The following SHTN1 variants were observed in gnomAD, a reference collection of about 807,000 sequenced individuals.
SHTN1 encodes shootin 1, also known as shootin-1.
A neutral mutation model predicts 83.1 loss-of-function variants in SHTN1; 42 were observed. That is an observed-to-expected ratio of 0.51 (90% CI 0.39 to 0.65). The LOEUF is 0.65. Ranked by LOEUF, SHTN1 falls within the 30% of genes least tolerant of loss-of-function variation. SHTN1 has a pLI of 0.00. For synonymous variants in SHTN1, 224 were observed against 247.7 expected, an observed-to-expected ratio of 0.90 and a Z score of 0.90; for missense variants, 622 against 737.8, an observed-to-expected ratio of 0.84 and a Z score of 1.82.
chr10:117,054,639 C>T lies in SHTN1; in HGVS notation c.-188-6129G>A, dbSNP rs113317034. On this transcript the variant is annotated intron_variant, in intron 1 of 17. Transcript: ENST00000392901. Reference sequence around the variant, plus strand: ...AGCCAGGATGGTCTCGATCTCTTGACCTTGTGATCCGCCCGTCTCGGCCTC... The same window carrying T: ...AGCCAGGATGGTCTCGATCTCTTGATCTTGTGATCCGCCCGTCTCGGCCTC... Among the ~76,000 whole-genome samples, 463 of 152,046 alleles carry T rather than the reference C, an allele frequency of 3.0e-3. 1 individual carries two copies. Among genetic ancestry groups the T allele is most frequent in the Non-Finnish European group, 3.6e-3 (248 of 67,992 alleles).
chr10:116,982,690 C>G (rs1219599789), intron 1 of SHTN1, among the ~76,000 whole-genome samples: 1 of 152,188 alleles, frequency 6.6e-6, no homozygotes, highest in Non-Finnish European at 1.5e-5. Flanking sequence ...GGCGCAGTGG[C>G]TCACGCCTGT....
At position 116,940,446 on chromosome 10, in the gene SHTN1, T is replaced by C. The variant is rs757549624; in HGVS notation, c.858+20A>G. On this transcript the variant is annotated intron_variant, in intron 9 of 16. Coordinates refer to ENST00000355371, the MANE Select transcript of SHTN1 (RefSeq NM_001127211.3). ...ATGTATGTGTGTGTGTACCTAAGAT[T>C]CCAGAAGAAAATGGGTTACCTTTTG... The C allele has an allele frequency of 3.7e-6, 6 of 1,612,534 alleles. No individual in the cohort carries two copies. Among genetic ancestry groups the C allele is most frequent in the Non-Finnish European group, 5.1e-6 (6 of 1,179,108 alleles).
intron 1 of SHTN1, among the ~76,000 whole-genome samples, chr10:117,078,991 T>C (rs1853208463): frequency 6.6e-6 from 1 of 151,486 alleles, no homozygotes; most frequent in Non-Finnish European, 1.5e-5. Flanking sequence ...TATGTCTTCT[T>C]TGTCTTCATT....
In SHTN1 at chr10:116,885,356, T is replaced by G. The variant is rs1031329057; in HGVS notation, c.*988A>C. The G allele has an allele frequency of 1.3e-5, 2 of 149,708 alleles. No homozygotes were observed. Among genetic ancestry groups the G allele is most frequent in the Non-Finnish European group, 3.0e-5 (2 of 67,146 alleles). 9.3% of individuals were successfully genotyped at this position (149,708 alleles called of 1,614,324 possible). On this transcript the variant is annotated 3_prime_UTR_variant, in exon 17 of 17. Transcript: ENST00000355371. The stretch of plus-strand genomic sequence containing the variant: ...AATCAACTTTGAAAAGCTGCATAAG[T>G]TTTTTTTTTAATCCCTGATTACATT...
At chr10:117,029,023 C>A (rs1852368900) in intron 2 of SHTN1, among the ~76,000 whole-genome samples, 1 of 152,168 alleles carries the variant, frequency 6.6e-6, no homozygotes, top group African/African-American at 2.4e-5. Flanking sequence ...TCAATGCCAG[C>A]CCATGAGAGC....
intron 2 of SHTN1, among the ~76,000 whole-genome samples, chr10:117,011,794 G>GA (rs955800136): frequency 1.3e-5 from 2 of 152,106 alleles, no homozygotes; most frequent in African/African-American, 2.4e-5. Context: ...AAATGCTGAT[G>GA]AAAAAAATCA....
chr10:116,906,799 A>G, intron 14 of SHTN1, 52 bp from the exon 15 acceptor site: 2 of 1,393,080 alleles, frequency 1.4e-6, no homozygotes, highest in Non-Finnish European at 1.9e-6. Context: ...AATACAATAT[A>G]CAAAAGAATA....
At position 116,929,861 on chromosome 10, in the gene SHTN1, A is replaced by T. The variant is rs1290080321; in HGVS notation, c.1000T>A (p.Leu334Ile). The stretch of plus-strand genomic sequence containing the variant: ...TCAATGCTTTTACCAGAGTGCTTTA[A>T]ATTTCTGGCTTTCTCTTCAGAATTC... ...YQNSEEKARN[L>I]KHSVDELQKR... The change falls in exon 10 of 17, where the codon TTA (leucine) becomes ATA (isoleucine). Residue 334 changes from leucine to isoleucine, a missense_variant. Coordinates refer to ENST00000355371, the MANE Select transcript of SHTN1 (RefSeq NM_001127211.3). 1 of 1,602,826 alleles carries T rather than the reference A, an allele frequency of 6.2e-7. No individual in the cohort carries two copies. Among genetic ancestry groups the T allele is most frequent in the Non-Finnish European group, 8.5e-7 (1 of 1,176,402 alleles).
In SHTN1 at chr10:117,113,484, G is replaced by A. The variant is rs1383934629; in HGVS notation, c.-189+12823C>T. Among the ~76,000 whole-genome samples the A allele has an allele frequency of 3.3e-5, 5 of 152,214 alleles. No homozygotes were observed. The East Asian group carries it at 7.7e-4, about 23-fold the overall frequency. On this transcript the variant is annotated intron_variant, in intron 1 of 17. Coordinates refer to the SHTN1 transcript ENST00000392901. ...GTCAGTTTGCTTCTAAGTGCCCCAGGAGGGTCAGTTCCTGCTACTCCTTTC... is the reference window on the plus strand; with the variant it reads ...GTCAGTTTGCTTCTAAGTGCCCCAGAAGGGTCAGTTCCTGCTACTCCTTTC...
At chr10:116,972,758 T>C (rs1449692350) in intron 2 of SHTN1, among the ~76,000 whole-genome samples, 1 of 152,244 alleles carries the variant, frequency 6.6e-6, no homozygotes, top group Admixed American at 6.5e-5. Context: ...AACGATTCTC[T>C]GTAGCTCAAG....
intron 7 of SHTN1, among the ~76,000 whole-genome samples, chr10:116,945,457 T>G (rs189411172): frequency 1.3e-5 from 2 of 152,192 alleles, no homozygotes; most frequent in African/African-American, 4.8e-5. Flanking sequence ...TTTTTAAAAA[T>G]AGATTGCAAA....
At chr10:117,003,889 T>TTTA (rs762379078) in intron 1 of SHTN1, among the ~76,000 whole-genome samples, 14 of 152,238 alleles carry the variant, frequency 9.2e-5, no homozygotes, top group Non-Finnish European at 1.0e-4. Context: ...TTCTTTATTA[T>TTTA]TTATTATTAT....
chr10:117,104,444 T>C lies in SHTN1; in HGVS notation c.-189+21863A>G, dbSNP rs138204331. ...ATCTAGCTAAAATTGCTTCTCAACATAGCTTTGCTAATAATTGCATTCCAG... is the reference window on the plus strand; with the variant it reads ...ATCTAGCTAAAATTGCTTCTCAACACAGCTTTGCTAATAATTGCATTCCAG... On this transcript the variant is annotated intron_variant, in intron 1 of 17. Coordinates refer to the SHTN1 transcript ENST00000392901. Among the ~76,000 whole-genome samples the C allele has an allele frequency of 3.9e-3, 593 of 152,318 alleles. 4 individuals are homozygous for C. The highest frequency in any genetic ancestry group is 0.013 in the African/African-American group (560 of 41,576).
At chr10:116,973,950 A>T in intron 2 of SHTN1, 2 of 1,243,152 alleles carry the variant, frequency 1.6e-6, no homozygotes, top group Non-Finnish European at 2.1e-6. Context: ...AAGTCTGGCC[A>T]GAACTGTGCT....
At chr10:116,950,399 C>T (rs947373570) in intron 6 of SHTN1, among the ~76,000 whole-genome samples, 3 of 152,142 alleles carry the variant, frequency 2.0e-5, no homozygotes, top group Non-Finnish European at 4.4e-5. Flanking sequence ...AACTCCTGGG[C>T]TCAAGTGATC....
chr10:117,081,253 G>T (rs1853257024), intron 1 of SHTN1, among the ~76,000 whole-genome samples: 1 of 151,996 alleles, frequency 6.6e-6, no homozygotes, highest in Non-Finnish European at 1.5e-5. Context: ...AAAGGCTGTT[G>T]AATTTTGTCA....
At chr10:117,115,195 A>T (rs1853828917) in intron 1 of SHTN1, among the ~76,000 whole-genome samples, 1 of 152,200 alleles carries the variant, frequency 6.6e-6, no homozygotes, top group African/African-American at 2.4e-5. Context: ...TCTATCCAGT[A>T]TGGGCTCTGA....
At chr10:117,093,733 A>G (rs1853467501) in intron 1 of SHTN1, among the ~76,000 whole-genome samples, 1 of 152,194 alleles carries the variant, frequency 6.6e-6, no homozygotes, top group Non-Finnish European at 1.5e-5. Flanking sequence ...ATGCATTGGA[A>G]CCACACACAA....
At chr10:117,024,336 G>C (rs1191519015) in intron 2 of SHTN1, among the ~76,000 whole-genome samples, 1 of 146,622 alleles carries the variant, frequency 6.8e-6, no homozygotes, top group Non-Finnish European at 1.5e-5. Flanking sequence ...GTATACACTT[G>C]TCAAAACTTT....
Sources: allele counts gnomAD v4.1 joint callset (sites outside exome capture counted in the v4.1 genomes callset), GRCh38; gene constraint gnomAD v4.1.1; transcripts MANE v1.5; gene names NCBI Gene and HGNC (gene_info 2026-07-23, HGNC 2026-07-21).